ZNF516: variants seen among roughly 807,000 people sequenced by gnomAD.
ZNF516 encodes zinc finger protein 516.
A neutral mutation model predicts 79.7 loss-of-function variants in ZNF516; 19 were observed. The observed-to-expected ratio is 0.24, with a 90% CI of 0.17 to 0.35. ZNF516 has a LOEUF of 0.35. Among genes scored for constraint, ZNF516 ranks in the 10% least tolerant of loss-of-function variants. The pLI is 1.00. For missense variants in ZNF516, 1,678 were observed against 1,679.5 expected (o/e 1.00, Z 0.02); for synonymous variants, 877 against 739.5 (o/e 1.19, Z -3.02).
At chr18:76,410,858 A>T (rs762949586) in intron 3 of ZNF516, among the ~76,000 whole-genome samples, 16 of 152,186 alleles carry the variant, frequency 1.1e-4, no homozygotes, top group Non-Finnish European at 2.2e-4. Flanking sequence ...CTCAGGTTAT[A>T]GCCAATTAAA....
intron 3 of ZNF516, among the ~76,000 whole-genome samples, chr18:76,381,417 C>T (rs1449369346): frequency 6.6e-6 from 1 of 152,208 alleles, no homozygotes; most frequent in Admixed American, 6.5e-5. Context: ...CCCTTACAGC[C>T]ATGTCTCCGT....
chr18:76,483,809 G>GC (rs1264623531), intron 1 of ZNF516, among the ~76,000 whole-genome samples: 1 of 152,212 alleles, frequency 6.6e-6, no homozygotes, highest in Non-Finnish European at 1.5e-5. Flanking sequence ...GGCACCCACT[G>GC]CGGGGCTGGG....
chr18:76,496,156 G>A (rs1198318786), upstream of ZNF516: 3 of 793,952 alleles, frequency 3.8e-6, no homozygotes, highest in East Asian at 6.8e-5. Context: ...AGGGGAGGGC[G>A]GGCGCGCGGG....
chr18:76,462,476 C>T (rs1410852360), intron 2 of ZNF516, among the ~76,000 whole-genome samples: 1 of 152,222 alleles, frequency 6.6e-6, no homozygotes, highest in African/African-American at 2.4e-5. Context: ...CATTAAAGAC[C>T]TGCCTGGTAA....
At chr18:76,383,051 A>AG (rs1391370426) in intron 3 of ZNF516, among the ~76,000 whole-genome samples, 2 of 151,520 alleles carry the variant, frequency 1.3e-5, no homozygotes, top group East Asian at 3.9e-4. Flanking sequence ...AAAAAAAAAA[A>AG]AAAAAAAAGC....
At chr18:76,366,628 G>T (rs932386084) in intron 6 of ZNF516, among the ~76,000 whole-genome samples, 12 of 152,168 alleles carry the variant, frequency 7.9e-5, no homozygotes, top group Non-Finnish European at 1.5e-5. Flanking sequence ...CTGTCTACAC[G>T]GGCGTAAGTA....
intron 1 of ZNF516, among the ~76,000 whole-genome samples, chr18:76,490,467 G>A (rs1915106403): frequency 1.3e-5 from 2 of 152,234 alleles, no homozygotes; most frequent in South Asian, 4.1e-4. Context: ...GCAGTAGCCA[G>A]TATCCTATCA....
rs376941741 is a variant in ZNF516 at position 76,379,453 on chromosome 18, C to G, written c.2661G>C (p.Gln887His). The change falls in exon 4 of 7, where the codon CAG (glutamine) becomes CAC (histidine). Residue 887 changes from glutamine to histidine, a missense_variant. Gln to His is a conservative substitution (Grantham distance 24, BLOSUM62 0). Around this residue, in one of 5 missense-constraint regions of ZNF516, gnomAD observed 1,294 missense variants for 1,248.3 expected, o/e 1.04. Coordinates refer to ENST00000443185, the MANE Select transcript of ZNF516 (RefSeq NM_014643.4). ...LWAPGPDGYR[Q>H]TKPCHGQEPH... The stretch of plus-strand genomic sequence containing the variant: ...GCTCCTGGCCGTGACAAGGTTTGGT[C>G]TGTCGATACCCGTCAGGGCCGGGCG... The G allele has an allele frequency of 1.5e-5, 24 of 1,613,272 alleles. No individual in the cohort carries two copies. The highest frequency in any genetic ancestry group is 3.3e-4 in the Middle Eastern group (2 of 6,084).
intron 2 of ZNF516, among the ~76,000 whole-genome samples, chr18:76,456,248 T>C (rs542004666): frequency 1.4e-4 from 22 of 152,314 alleles, no homozygotes; most frequent in African/African-American, 5.3e-4. Context: ...CCTTGCTAAC[T>C]CTGGGGCGAT....
At chr18:76,463,510 G>A (rs11664233) in intron 1 of ZNF516, among the ~76,000 whole-genome samples, 8,729 of 152,350 alleles carry the variant, frequency 0.057, 441 homozygotes, top group South Asian at 0.18. Flanking sequence ...CATATGCCCT[G>A]AGCTCCTGGC....
chr18:76,378,502 G>T (rs909530455), intron 4 of ZNF516, among the ~76,000 whole-genome samples: 19 of 152,208 alleles, frequency 1.2e-4, no homozygotes, highest in African/African-American at 4.6e-4. Flanking sequence ...AACACGTGAA[G>T]TGCAATCACG....
chr18:76,382,070 T>C (rs1312993704), intron 3 of ZNF516, among the ~76,000 whole-genome samples: 3 of 152,140 alleles, frequency 2.0e-5, no homozygotes, highest in Non-Finnish European at 4.4e-5. Flanking sequence ...AGGTGGAGGT[T>C]GCAGTGAGCT....
chr18:76,490,851 C>A, intron 1 of ZNF516: 3 of 985,518 alleles, frequency 3.0e-6, no homozygotes, highest in South Asian at 9.4e-5. Context: ...GGGGACACCC[C>A]TGGAAGGCCA....
At chr18:76,481,265 T>C (rs1012042574) in intron 1 of ZNF516, among the ~76,000 whole-genome samples, 1 of 152,232 alleles carries the variant, frequency 6.6e-6, no homozygotes, top group Admixed American at 6.5e-5. Context: ...TCATTTGTGA[T>C]GGATGACTCA....
rs1599122252 is a variant in ZNF516 at position 76,362,286 on chromosome 18, A to T, written c.*212T>A. On this transcript the variant is annotated 3_prime_UTR_variant, in exon 7 of 7. Coordinates refer to ENST00000443185, the MANE Select transcript of ZNF516 (RefSeq NM_014643.4). ...TCTACATGTATTTCTAGAATATAGC[A>T]TCTTCATTTATTTCTGAACGTTTAA... is the stretch of plus-strand genomic sequence containing the variant. The T allele has an allele frequency of 9.3e-6, 5 of 536,836 alleles. No homozygotes were observed. In the East Asian group the frequency reaches 1.4e-4, roughly 15 times the overall value. The allele number at this position is 536,836 out of a possible 1,614,324, so 33.3% of individuals were successfully genotyped here.
intron 3 of ZNF516, among the ~76,000 whole-genome samples, chr18:76,422,040 T>C (rs1180282477): frequency 6.6e-6 from 1 of 152,252 alleles, no homozygotes; most frequent in Non-Finnish European, 1.5e-5. Context: ...TTATTTTAAA[T>C]ATCTCCATGG....
intron 1 of ZNF516, among the ~76,000 whole-genome samples, chr18:76,474,153 T>C (rs1914043921): frequency 6.6e-6 from 1 of 151,930 alleles, no homozygotes; most frequent in African/African-American, 2.4e-5. Context: ...CAGAGAAAAA[T>C]GATCTGGAAG....
chr18:76,391,508 T>C (rs77567219), intron 3 of ZNF516, among the ~76,000 whole-genome samples: 3,814 of 152,040 alleles, frequency 0.025, 70 homozygotes, highest in Non-Finnish European at 0.037. Flanking sequence ...AACCCAACTC[T>C]AAACCTAACC....
chr18:76,406,151 C>T (rs984194373), intron 3 of ZNF516, among the ~76,000 whole-genome samples: 1 of 152,238 alleles, frequency 6.6e-6, no homozygotes, highest in Admixed American at 6.5e-5. Context: ...GCCTGCAACT[C>T]GCCCGCGCTG....
Sources: allele counts gnomAD v4.1 joint callset (sites outside exome capture counted in the v4.1 genomes callset), GRCh38; gene constraint gnomAD v4.1.1; regional missense constraint gnomAD v4.1.1; transcripts MANE v1.5; gene names NCBI Gene and HGNC (gene_info 2026-07-23, HGNC 2026-07-21).